The following THSD7A variants were observed in gnomAD, a reference collection of about 807,000 sequenced individuals.
THSD7A encodes thrombospondin type-1 domain-containing protein 7A.
Under a neutral mutation model 231.3 loss-of-function variants are expected in THSD7A, and 96 were observed. The observed-to-expected ratio is 0.41, with a 90% CI of 0.35 to 0.49. THSD7A has a LOEUF of 0.49. THSD7A is among the 20% of genes least tolerant of loss of function. THSD7A has a pLI of 0.05. For synonymous variants in THSD7A, 940 were observed against 743.3 expected (o/e 1.26, Z -4.30); for missense variants, 2,290 against 2,070.2 (o/e 1.11, Z -2.06).
At chr7:11,732,590 A>G (rs191560607) in intron 1 of THSD7A, among the ~76,000 whole-genome samples, 35 of 151,996 alleles carry the variant, frequency 2.3e-4, no homozygotes, top group Admixed American at 1.4e-3. Flanking sequence ...AAAATAAAAC[A>G]TTTACATATA....
At chr7:11,548,074 G>C (rs1422809954) in intron 4 of THSD7A, among the ~76,000 whole-genome samples, 1 of 152,036 alleles carries the variant, frequency 6.6e-6, no homozygotes, top group African/African-American at 2.4e-5. Flanking sequence ...CAAACTAAAA[G>C]CTGGCTTGAC....
At chr7:11,809,208 C>T (rs1287889451) in intron 1 of THSD7A, among the ~76,000 whole-genome samples, 1 of 151,974 alleles carries the variant, frequency 6.6e-6, no homozygotes, top group Admixed American at 6.6e-5. Context: ...AATAAAGTAC[C>T]CAAAATCATT....
intron 2 of THSD7A, among the ~76,000 whole-genome samples, chr7:11,635,539 G>A (rs1781803451): frequency 6.6e-6 from 1 of 152,180 alleles, no homozygotes; most frequent in African/African-American, 2.4e-5. Flanking sequence ...TTAGTTACAT[G>A]TTTCCTGAAT....
chr7:11,577,532 A>T (rs943321563), intron 4 of THSD7A, among the ~76,000 whole-genome samples: 3 of 151,556 alleles, frequency 2.0e-5, no homozygotes, highest in African/African-American at 7.3e-5. Context: ...GACCAGACTG[A>T]TCTTGAACTC....
intron 6 of THSD7A, among the ~76,000 whole-genome samples, chr7:11,539,352 T>C (rs1789045538): frequency 6.6e-6 from 1 of 152,240 alleles, no homozygotes; most frequent in African/African-American, 2.4e-5. Flanking sequence ...ATGTATTAAG[T>C]TGTACTACAA....
chr7:11,406,719 A>G lies in THSD7A; in HGVS notation c.4062+191T>C, dbSNP rs567883819. 5.9e-5 allele frequency among the ~76,000 whole-genome samples: 9 copies of G among 152,344 alleles called. No individual in the cohort carries two copies. The South Asian group carries it at 1.7e-3, about 28-fold the overall frequency. On this transcript the variant is annotated intron_variant, in intron 21 of 27. Transcript: ENST00000423059. This position sits in a 1 kb window ranked among gnomAD's most constrained non-coding sequence, Gnocchi z 4.7. ...TCAGTCTCCAAATGATTTTAAAAAT[A>G]TAGGGCATGGAGTTTTTGTTATCAA...
chr7:11,447,436 G>T lies in THSD7A; in HGVS notation c.2606-12C>A. 6.6e-7 allele frequency: 1 copy of T among 1,519,380 alleles called. No individual in the cohort carries two copies. Among genetic ancestry groups the T allele is most frequent in the Non-Finnish European group, 8.8e-7 (1 of 1,136,240 alleles). 94.1% of individuals were successfully genotyped at this position (1,519,380 alleles called of 1,614,324 possible). On this transcript the variant is annotated splice_polypyrimidine_tract_variant and intron_variant, in intron 11 of 27. Coordinates refer to ENST00000423059, the MANE Select transcript of THSD7A (RefSeq NM_015204.3). ...GCGACAAGTAATGGCTAAAAGAAAA[G>T]CATAAAGCTGTTATAACAAATTCAA...
chr7:11,681,213 C>T lies in THSD7A; in HGVS notation c.191-44252G>A, dbSNP rs576303128. ...CTGGGGTCAGTCAGGGGGTGGGGAG[C>T]AAGTGGAGGGATAGCATTAGGAGAA... is the stretch of plus-strand genomic sequence containing the variant. On this transcript the variant is annotated intron_variant, in intron 1 of 27. Transcript: ENST00000423059. 1.6e-4 allele frequency among the ~76,000 whole-genome samples: 25 copies of T among 151,912 alleles called. No homozygotes were observed. In the East Asian group the frequency reaches 4.7e-3, roughly 28 times the overall value.
chr7:11,471,458 T>G (rs973560855), intron 8 of THSD7A, among the ~76,000 whole-genome samples: 5 of 152,052 alleles, frequency 3.3e-5, no homozygotes, highest in African/African-American at 7.2e-5. Context: ...AGTATTTTGC[T>G]GATACTTCAT....
intron 1 of THSD7A, among the ~76,000 whole-genome samples, chr7:11,736,966 C>G (rs1178959755): frequency 6.6e-6 from 1 of 151,990 alleles, no homozygotes; most frequent in South Asian, 2.1e-4. Flanking sequence ...AAAAGACTTC[C>G]TCCTTCTCTG....
intron 4 of THSD7A, among the ~76,000 whole-genome samples, chr7:11,559,056 A>G (rs1789968696): frequency 6.6e-6 from 1 of 152,190 alleles, no homozygotes; most frequent in African/African-American, 2.4e-5. Flanking sequence ...AGAGGCCAGG[A>G]GCCAAGGGAT....
At chr7:11,799,898 C>G (rs780132907) in intron 1 of THSD7A, among the ~76,000 whole-genome samples, 2 of 152,188 alleles carry the variant, frequency 1.3e-5, no homozygotes, top group Non-Finnish European at 2.9e-5. Context: ...ATTATTGAAG[C>G]TCAAGATTAC....
intron 1 of THSD7A, among the ~76,000 whole-genome samples, chr7:11,758,742 T>C (rs1292479509): frequency 2.6e-5 from 4 of 152,116 alleles, no homozygotes; most frequent in African/African-American, 7.2e-5. Flanking sequence ...GAATGGATGA[T>C]ATGGCTTAAA....
At chr7:11,417,166 G>C (rs188885694) in intron 17 of THSD7A, among the ~76,000 whole-genome samples, 109 of 152,242 alleles carry the variant, frequency 7.2e-4, no homozygotes, top group African/African-American at 2.6e-3. Context: ...TTAACATGCT[G>C]TGTATTTATA....
chr7:11,780,817 C>T (rs1783599146), intron 1 of THSD7A, among the ~76,000 whole-genome samples: 1 of 151,414 alleles, frequency 6.6e-6, no homozygotes, highest in African/African-American at 2.4e-5. Context: ...AGGTGAAACC[C>T]CGTCTCTACT....
At chr7:11,428,243 A>G (rs1306299604) in intron 14 of THSD7A, among the ~76,000 whole-genome samples, 2 of 152,208 alleles carry the variant, frequency 1.3e-5, no homozygotes, top group Non-Finnish European at 2.9e-5. Context: ...TAATTCACTT[A>G]TAGGCCAAAC....
intron 4 of THSD7A, among the ~76,000 whole-genome samples, chr7:11,569,001 AC>A (rs1790506320): frequency 6.6e-6 from 1 of 151,450 alleles, no homozygotes. Flanking sequence ...AAAAAAACAA[AC>A]CCTACACTCC....
At chr7:11,596,492 A>G (rs1454095152) in intron 2 of THSD7A, among the ~76,000 whole-genome samples, 1 of 152,226 alleles carries the variant, frequency 6.6e-6, no homozygotes, top group Non-Finnish European at 1.5e-5. Flanking sequence ...AGCAGCGGAC[A>G]GAACCCCCAC....
At chr7:11,376,199 T>C (rs1344397788) in intron 27 of THSD7A, among the ~76,000 whole-genome samples, 1 of 152,110 alleles carries the variant, frequency 6.6e-6, no homozygotes, top group African/African-American at 2.4e-5. Context: ...TTATAAATAA[T>C]GCATAATTTA....
Sources: gnomAD v4.1 joint callset for allele counts (sites outside exome capture counted in the v4.1 genomes callset) on GRCh38, gnomAD v4.1.1 for gene constraint, Gnocchi (gnomAD v3.1) non-coding constraint, MANE v1.5 for transcripts, NCBI Gene and HGNC (gene_info 2026-07-23, HGNC 2026-07-21) for gene names.